FSTL4: variants seen among roughly 807,000 people sequenced by gnomAD.
The protein encoded by FSTL4 is follistatin-related protein 4.
A neutral mutation model predicts 78.2 loss-of-function variants in FSTL4; 28 were observed. The observed-to-expected ratio is 0.36, with a 90% CI of 0.27 to 0.49. The LOEUF is 0.49. Ranked by LOEUF, FSTL4 falls within the 20% of genes least tolerant of loss-of-function variation. FSTL4 has a pLI of 0.98. For missense variants in FSTL4, 922 were observed against 1,084.9 expected, an observed-to-expected ratio of 0.85 and a Z score of 2.11; for synonymous variants, 422 against 440.5, an observed-to-expected ratio of 0.96 and a Z score of 0.53.
the FSTL4 span, among the ~76,000 whole-genome samples, chr5:133,678,790 A>C: frequency 1.8e-4 from 27 of 152,284 alleles, 1 homozygote; most frequent in African/African-American, 6.3e-4. Context: ...AAGGGAGTGC[A>C]GATCTAGGAG....
chr5:133,205,726 A>ATCTT (rs1750476436), intron 14 of FSTL4, among the ~76,000 whole-genome samples: 2 of 152,226 alleles, frequency 1.3e-5, no homozygotes, highest in African/African-American at 4.8e-5. Context: ...TCAATATAAA[A>ATCTT]TCTTTAGAAA....
chr5:133,272,802 T>A (rs2126849143), intron 6 of FSTL4, among the ~76,000 whole-genome samples: 1 of 152,358 alleles, frequency 6.6e-6, no homozygotes, highest in South Asian at 2.1e-4. Flanking sequence ...TGGCAACAGA[T>A]CTATAACTGT....
At chr5:133,449,667 C>T (rs1327754180) in intron 3 of FSTL4, among the ~76,000 whole-genome samples, 4 of 152,148 alleles carry the variant, frequency 2.6e-5, no homozygotes, top group Non-Finnish European at 4.4e-5. Context: ...GTGAGGTCTG[C>T]GTCCCTCCCG....
At chr5:133,591,797 G>T (rs1380534257) in intron 2 of FSTL4, among the ~76,000 whole-genome samples, 1 of 152,132 alleles carries the variant, frequency 6.6e-6, no homozygotes, top group African/African-American at 2.4e-5. Flanking sequence ...GGGAGACAGT[G>T]TGGCTCAGAA....
the FSTL4 span, among the ~76,000 whole-genome samples, chr5:133,805,078 G>A: frequency 6.6e-6 from 1 of 151,012 alleles, no homozygotes; most frequent in Non-Finnish European, 1.5e-5. Context: ...CCCTCTGCTT[G>A]CCCCTCCCAG....
intron 4 of FSTL4, among the ~76,000 whole-genome samples, chr5:133,343,380 G>A (rs1378523151): frequency 6.6e-6 from 1 of 152,176 alleles, no homozygotes; most frequent in East Asian, 1.9e-4. Context: ...CAGCATCTGG[G>A]CTCCCTGGGA....
chr5:133,444,707 G>A (rs551800939), intron 3 of FSTL4, among the ~76,000 whole-genome samples: 2 of 152,110 alleles, frequency 1.3e-5, no homozygotes, highest in Non-Finnish European at 2.9e-5. Context: ...GGCTTCTGCA[G>A]GGAGCTGGAT....
chr5:133,237,124 C>A (rs1751685693), intron 7 of FSTL4, among the ~76,000 whole-genome samples: 1 of 152,200 alleles, frequency 6.6e-6, no homozygotes, highest in South Asian at 2.1e-4. Flanking sequence ...GCCACACAGG[C>A]TCAAAATGAG....
At chr5:133,386,530 T>C (rs1055435521) in intron 4 of FSTL4, among the ~76,000 whole-genome samples, 4 of 152,236 alleles carry the variant, frequency 2.6e-5, no homozygotes, top group Non-Finnish European at 5.9e-5. Context: ...TTTGTATAGA[T>C]TCCCCATTTC....
intron 6 of FSTL4, among the ~76,000 whole-genome samples, chr5:133,253,578 G>A (rs985341449): frequency 1.8e-4 from 27 of 152,250 alleles, no homozygotes; most frequent in Admixed American, 1.6e-3. Flanking sequence ...TAAAAGTGAC[G>A]CCTCAAGTGG....
At chr5:133,462,002 A>G (rs867601822) in intron 3 of FSTL4, among the ~76,000 whole-genome samples, 5 of 152,302 alleles carry the variant, frequency 3.3e-5, no homozygotes, top group Middle Eastern at 3.4e-3. Flanking sequence ...GCCAGCCATG[A>G]TATGAGAAGT....
At chr5:133,564,135 G>A (rs1323289103) in intron 3 of FSTL4, among the ~76,000 whole-genome samples, 3 of 152,106 alleles carry the variant, frequency 2.0e-5, no homozygotes, top group Non-Finnish European at 2.9e-5. Context: ...TGTTCTCCTT[G>A]TGTGTCTGTG....
intron 4 of FSTL4, among the ~76,000 whole-genome samples, chr5:133,320,428 C>T (rs192891534): frequency 1.3e-3 from 197 of 152,310 alleles, no homozygotes; most frequent in African/African-American, 4.6e-3. Flanking sequence ...GGCTCCCTCC[C>T]CTCTTCCAGC....
chr5:133,475,964 T>C (rs973439178), intron 3 of FSTL4, among the ~76,000 whole-genome samples: 7 of 152,096 alleles, frequency 4.6e-5, no homozygotes, highest in African/African-American at 2.4e-5. Flanking sequence ...ATAAGGCTTA[T>C]CTTGTGGGGC....
chr5:133,691,444 C>T, the FSTL4 span, among the ~76,000 whole-genome samples: 1 of 152,162 alleles, frequency 6.6e-6, no homozygotes, highest in African/African-American at 2.4e-5. Context: ...ATTATGATTA[C>T]AGAGGTGGCT....
chr5:133,608,293 T>A (rs1205474846), intron 1 of FSTL4, among the ~76,000 whole-genome samples: 1 of 152,212 alleles, frequency 6.6e-6, no homozygotes, highest in Non-Finnish European at 1.5e-5. Context: ...AAACAAGTCA[T>A]AAAGTACACT....
intron 4 of FSTL4, among the ~76,000 whole-genome samples, chr5:133,395,235 T>C (rs767111772): frequency 4.6e-5 from 7 of 152,208 alleles, no homozygotes; most frequent in Non-Finnish European, 8.8e-5. Context: ...ATATTGCTGC[T>C]GCTCACTCTT....
At chr5:133,534,400 G>T (rs555825402) in intron 3 of FSTL4, among the ~76,000 whole-genome samples, 1 of 152,184 alleles carries the variant, frequency 6.6e-6, no homozygotes, top group Admixed American at 6.5e-5. Context: ...TGAGTTCCAG[G>T]ATAAAAAGTG....
rs1004982735 is a variant in FSTL4, at chr5:133,236,543, C to T, written c.895-3006G>A. 3.9e-5 allele frequency among the ~76,000 whole-genome samples: 6 copies of T among 152,212 alleles called. No individual in the cohort carries two copies. The highest frequency in any genetic ancestry group is 5.9e-5 in the Non-Finnish European group (4 of 68,036). On this transcript the variant is annotated intron_variant, in intron 7 of 15. Transcript: ENST00000265342. This position sits in a 1 kb window ranked among gnomAD's most constrained non-coding sequence, Gnocchi z 5.0. Reference sequence around the variant, plus strand: ...TGGGGTCTTCTCTCACCACCTCCATCGCTCCTGCTCTGGCCAGCTGCCACC... The same window carrying T: ...TGGGGTCTTCTCTCACCACCTCCATTGCTCCTGCTCTGGCCAGCTGCCACC...
Sources: allele counts gnomAD v4.1 joint callset (sites outside exome capture counted in the v4.1 genomes callset), GRCh38; gene constraint gnomAD v4.1.1; non-coding constraint Gnocchi (gnomAD v3.1); transcripts MANE v1.5; gene names NCBI Gene and HGNC (gene_info 2026-07-23, HGNC 2026-07-21).